The following RAVER2 variants were observed in gnomAD, a reference collection of about 807,000 sequenced individuals.
RAVER2 encodes ribonucleoprotein, PTB binding 2.
A neutral mutation model predicts 78.1 loss-of-function variants in RAVER2; 46 were observed. That is an observed-to-expected ratio of 0.59 (90% CI 0.46 to 0.75). RAVER2 has a LOEUF of 0.75. RAVER2 is among the 30% of genes least tolerant of loss of function. RAVER2 has a pLI of 0.00. For synonymous variants in RAVER2, 311 were observed against 313.3 expected, an observed-to-expected ratio of 0.99 and a Z score of 0.08; for missense variants, 793 against 837.5, an observed-to-expected ratio of 0.95 and a Z score of 0.66.
intron 5 of RAVER2, among the ~76,000 whole-genome samples, chr1:64,802,640 A>G (rs1288396370): frequency 1.3e-5 from 2 of 152,170 alleles, no homozygotes; most frequent in Non-Finnish European, 2.9e-5. Context: ...CTGAAATACC[A>G]AAAAAACACT....
chr1:64,800,063 G>T (rs566124532), intron 5 of RAVER2, among the ~76,000 whole-genome samples: 2 of 150,368 alleles, frequency 1.3e-5, no homozygotes, highest in African/African-American at 2.4e-5. Flanking sequence ...TATGCCTTCT[G>T]AGAAATGTCT....
chr1:64,814,651 A>C, intron 10 of RAVER2, 53 bp from the exon 11 acceptor site: 1 of 1,014,164 alleles, frequency 9.9e-7, no homozygotes, highest in East Asian at 3.7e-5. Flanking sequence ...TAAATAAAAT[A>C]AATTTATAAT....
At chr1:64,788,684 C>T (rs1483416657) in intron 4 of RAVER2, among the ~76,000 whole-genome samples, 3 of 146,112 alleles carry the variant, frequency 2.1e-5, no homozygotes, top group Admixed American at 1.4e-4. Context: ...CCCAGCTGCT[C>T]GGGTGGCTGA....
chr1:64,785,695 T>C (rs1046241235), intron 4 of RAVER2, among the ~76,000 whole-genome samples: 3 of 152,018 alleles, frequency 2.0e-5, no homozygotes, highest in Non-Finnish European at 2.9e-5. Context: ...TTAACATGCA[T>C]AGGTTTATCA....
intron 1 of RAVER2, among the ~76,000 whole-genome samples, chr1:64,765,326 T>A (rs6671355): frequency 0.13 from 19,205 of 152,162 alleles, 1,399 homozygotes; most frequent in East Asian, 0.28. Context: ...TTTTAAAAAT[T>A]CAAACAGTGA....
intron 10 of RAVER2, 24 bp downstream of exon 10, chr1:64,812,873 G>C: frequency 2.7e-6 from 4 of 1,497,638 alleles, no homozygotes; most frequent in Non-Finnish European, 3.6e-6. Flanking sequence ...CAGTATTCTT[G>C]TTGTGGAGTT....
At chr1:64,793,776 T>A (rs1256434187) in intron 5 of RAVER2, among the ~76,000 whole-genome samples, 1 of 152,256 alleles carries the variant, frequency 6.6e-6, no homozygotes, top group African/African-American at 2.4e-5. Context: ...CTACAGTTTG[T>A]ATTTTCTAGA....
At chr1:64,759,288 T>G (rs1414342463) in intron 1 of RAVER2, among the ~76,000 whole-genome samples, 1 of 145,532 alleles carries the variant, frequency 6.9e-6, no homozygotes. Flanking sequence ...GGCGCGATCT[T>G]GGCTAAGTGC....
intron 1 of RAVER2, among the ~76,000 whole-genome samples, chr1:64,758,539 G>T (rs1651916403): frequency 1.3e-5 from 2 of 152,148 alleles, no homozygotes; most frequent in Admixed American, 6.5e-5. Context: ...GATGGAGTGG[G>T]CATGGGCAAG....
intron 11 of RAVER2, among the ~76,000 whole-genome samples, chr1:64,822,378 C>A (rs1052574094): frequency 6.6e-6 from 1 of 152,134 alleles, no homozygotes; most frequent in East Asian, 1.9e-4. Context: ...AATATAAATT[C>A]TTGATTTGGA....
At chr1:64,772,489 A>G (rs1200068896) in intron 2 of RAVER2, among the ~76,000 whole-genome samples, 2 of 152,166 alleles carry the variant, frequency 1.3e-5, no homozygotes, top group Non-Finnish European at 2.9e-5. Context: ...ACAGTTTAGT[A>G]GGGTAGCAGG....
chr1:64,753,139 G>C (rs1651745576), intron 1 of RAVER2, among the ~76,000 whole-genome samples: 1 of 152,086 alleles, frequency 6.6e-6, no homozygotes, highest in South Asian at 2.1e-4. Flanking sequence ...CTGCAGCCTC[G>C]ACCTTCCTCG....
At chr1:64,824,371 CA>C (rs1653958475) in intron 11 of RAVER2, among the ~76,000 whole-genome samples, 1 of 152,150 alleles carries the variant, frequency 6.6e-6, no homozygotes, top group South Asian at 2.1e-4. Context: ...TGCTGCCACC[CA>C]GTGGTCAAAT....
At chr1:64,822,533 A>C (rs1284492081) in intron 11 of RAVER2, among the ~76,000 whole-genome samples, 1 of 152,232 alleles carries the variant, frequency 6.6e-6, no homozygotes, top group East Asian at 1.9e-4. Flanking sequence ...AATGAACCAT[A>C]GCAATGTAGG....
In RAVER2 at chr1:64,778,065, C is replaced by T. The variant is rs761396765; in HGVS notation, c.759C>T (p.Ser253=). The T allele has an allele frequency of 1.1e-5, 17 of 1,613,268 alleles. No homozygotes were observed. In the South Asian group the frequency reaches 1.8e-4, roughly 17 times the overall value. The change falls in exon 3 of 12, where the codon TCC becomes TCT. Residue 253 remains serine, a synonymous_variant. Coordinates refer to ENST00000294428, the Ensembl canonical transcript of RAVER2. ...CAGAAGAGCTGTTGCAAATTTTTTC[C>T]AGTGTCCATAAACCTGTGTTTTGCC...
exon 12 of RAVER2, chr1:64,831,510 C>T (rs1162135281): frequency 6.6e-6 from 1 of 152,268 alleles, no homozygotes; most frequent in Non-Finnish European, 1.5e-5. Flanking sequence ...TCAATTACGC[C>T]CACACCAGCC....
chr1:64,783,984 A>G (rs1652708624), intron 4 of RAVER2, among the ~76,000 whole-genome samples: 1 of 152,146 alleles, frequency 6.6e-6, no homozygotes, highest in Non-Finnish European at 1.5e-5. Flanking sequence ...TTTCTCCTCC[A>G]CTGTTCAAGT....
chr1:64,831,635 T>A (rs1428108647), exon 12 of RAVER2: 3 of 152,202 alleles, frequency 2.0e-5, no homozygotes, highest in Non-Finnish European at 4.4e-5. Context: ...GAAGGTATTT[T>A]AAGAAAAGTA....
At chr1:64,810,078 T>C (rs981088708) in intron 9 of RAVER2, among the ~76,000 whole-genome samples, 1 of 152,230 alleles carries the variant, frequency 6.6e-6, no homozygotes, top group Non-Finnish European at 1.5e-5. Context: ...CTTTCAATTC[T>C]TTGGGGTATG....
Sources: allele counts gnomAD v4.1 joint callset (sites outside exome capture counted in the v4.1 genomes callset), GRCh38; gene constraint gnomAD v4.1.1; transcripts MANE v1.5; gene names NCBI Gene and HGNC (gene_info 2026-07-23, HGNC 2026-07-21).